SNTG1: variants seen among roughly 807,000 people sequenced by gnomAD.
SNTG1 encodes the protein gamma-1-syntrophin.
In SNTG1, 39 loss-of-function variants were observed where a neutral mutation model predicts 74.7. The observed-to-expected ratio is 0.52, with a 90% CI of 0.40 to 0.68. The LOEUF (loss-of-function observed/expected upper bound fraction) is 0.68. Ranked by LOEUF, SNTG1 falls within the 30% of genes least tolerant of loss-of-function variation. The pLI, the probability that SNTG1 is intolerant of heterozygous loss-of-function variation, is 0.00. For missense variants in SNTG1, 685 were observed against 609.5 expected (o/e 1.12, Z -1.30); for synonymous variants, 254 against 217.1 (o/e 1.17, Z -1.49).
At chr8:50,528,025 T>C (rs2094236265) in intron 9 of SNTG1, among the ~76,000 whole-genome samples, 1 of 152,024 alleles carries the variant, frequency 6.6e-6, no homozygotes, top group African/African-American at 2.4e-5. Context: ...CATAGCATAA[T>C]TCTAGAAAGA....
At chr8:50,202,705 G>T (rs1563732949) in intron 2 of SNTG1, among the ~76,000 whole-genome samples, 1 of 151,874 alleles carries the variant, frequency 6.6e-6, no homozygotes, top group African/African-American at 2.4e-5. Flanking sequence ...TTTGTAAGGA[G>T]AGTTAAAGTA....
At chr8:50,155,142 A>G (rs111500021) in intron 1 of SNTG1, among the ~76,000 whole-genome samples, 2,563 of 152,332 alleles carry the variant, frequency 0.017, 67 homozygotes, top group African/African-American at 0.052. Context: ...TGCTTGAAAC[A>G]AAGTTGTAGT....
intron 13 of SNTG1, among the ~76,000 whole-genome samples, chr8:50,646,967 T>A (rs1040244486): frequency 1.3e-5 from 2 of 152,168 alleles, no homozygotes; most frequent in Non-Finnish European, 2.9e-5. Context: ...AAAAAGGTGA[T>A]GTTTTCCACA....
chr8:50,264,574 TA>T lies in SNTG1; in HGVS notation c.-28+91950del, dbSNP rs202042526. ...AACAGAGCAAGCCTCCGTCTCAAAA[TA>T]AAAAAAAAAAGAAGAAAGAAACCAG... On this transcript the variant is annotated intron_variant, in intron 2 of 18. Coordinates refer to ENST00000642720, the MANE Select transcript of SNTG1 (RefSeq NM_018967.5). 5.5e-3 allele frequency among the ~76,000 whole-genome samples: 533 copies of T among 96,442 alleles called. 3 individuals are homozygous for T. Among genetic ancestry groups the T allele is most frequent in the African/African-American group, 0.016 (412 of 25,674 alleles). The allele number at this position is 96,442 out of a possible 152,430, so 63.3% of individuals were successfully genotyped here.
chr8:50,318,138 T>C (rs903882808), intron 2 of SNTG1, among the ~76,000 whole-genome samples: 3 of 152,088 alleles, frequency 2.0e-5, no homozygotes, highest in Non-Finnish European at 4.4e-5. Flanking sequence ...GCCCAGCCAC[T>C]TATTGTCTGA....
At chr8:50,143,321 C>T (rs1246445631) in intron 1 of SNTG1, among the ~76,000 whole-genome samples, 1 of 152,054 alleles carries the variant, frequency 6.6e-6, no homozygotes, top group Non-Finnish European at 1.5e-5. Context: ...ATATTTTGTA[C>T]TACTAAATTT....
chr8:50,707,564 C>T (rs1053814174), intron 16 of SNTG1, among the ~76,000 whole-genome samples: 1 of 151,906 alleles, frequency 6.6e-6, no homozygotes, highest in African/African-American at 2.4e-5. Flanking sequence ...GAAGGCAACT[C>T]GATGTATTTA....
At chr8:50,709,786 G>A (rs1374487887) in intron 17 of SNTG1, among the ~76,000 whole-genome samples, 1 of 152,110 alleles carries the variant, frequency 6.6e-6, no homozygotes, top group Non-Finnish European at 1.5e-5. Flanking sequence ...TCTCATTGAG[G>A]ATCTCAGTTC....
chr8:50,473,294 C>G (rs555173550), intron 8 of SNTG1, among the ~76,000 whole-genome samples: 3 of 152,278 alleles, frequency 2.0e-5, no homozygotes, highest in South Asian at 2.1e-4. Context: ...TTCCCCTTCA[C>G]CTTCTGCTAT....
chr8:50,329,302 A>G (rs1032770688), intron 2 of SNTG1, among the ~76,000 whole-genome samples: 2 of 152,138 alleles, frequency 1.3e-5, no homozygotes, highest in African/African-American at 4.8e-5. Flanking sequence ...ATTTCAGTGG[A>G]AACTATGTGT....
At chr8:50,412,544 G>A (rs1470202573) in intron 4 of SNTG1, among the ~76,000 whole-genome samples, 2 of 152,152 alleles carry the variant, frequency 1.3e-5, no homozygotes, top group Admixed American at 6.6e-5. Context: ...GCACATAGTA[G>A]GAGCTCAACA....
At chr8:50,752,210 C>T in intron 18 of SNTG1, 99 bp downstream of exon 18, 2 of 546,256 alleles carry the variant, frequency 3.7e-6, no homozygotes, top group Non-Finnish European at 6.2e-6. Context: ...ACCAAAAACA[C>T]ACATTCTCTG....
chr8:50,431,302 C>A (rs1227701968), intron 4 of SNTG1, among the ~76,000 whole-genome samples: 1 of 152,062 alleles, frequency 6.6e-6, no homozygotes, highest in East Asian at 1.9e-4. Context: ...AACAAATGTT[C>A]CCCTCTGATA....
chr8:50,225,843 T>A (rs1289488203), intron 2 of SNTG1, among the ~76,000 whole-genome samples: 1 of 152,192 alleles, frequency 6.6e-6, no homozygotes, highest in Non-Finnish European at 1.5e-5. Flanking sequence ...AAATATCCAT[T>A]TTGTTTACTT....
chr8:49,910,592 GGGT>G (rs1340841684), upstream of SNTG1, among the ~76,000 whole-genome samples: 1 of 152,124 alleles, frequency 6.6e-6, no homozygotes, highest in Non-Finnish European at 1.5e-5. Flanking sequence ...GCTGAGCCCT[GGGT>G]GACAGCACTC....
intron 2 of SNTG1, among the ~76,000 whole-genome samples, chr8:50,361,748 A>G (rs1245697509): frequency 6.6e-6 from 1 of 152,148 alleles, no homozygotes; most frequent in East Asian, 1.9e-4. Flanking sequence ...CCTAGGAGTT[A>G]TAAGCTATTA....
chr8:50,754,656 T>A (rs1019139395), intron 18 of SNTG1, among the ~76,000 whole-genome samples: 4 of 151,928 alleles, frequency 2.6e-5, no homozygotes, highest in African/African-American at 9.7e-5. Context: ...TGGTCTGTAA[T>A]CCATTCAATG....
intron 2 of SNTG1, among the ~76,000 whole-genome samples, chr8:50,355,068 G>A (rs561653140): frequency 1.3e-5 from 2 of 152,158 alleles, no homozygotes; most frequent in East Asian, 1.9e-4. Context: ...GCCTGAGTTC[G>A]GGGAGGTGTG....
chr8:49,998,992 G>A (rs1322546424), intron 1 of SNTG1, among the ~76,000 whole-genome samples: 2 of 152,080 alleles, frequency 1.3e-5, no homozygotes, highest in African/African-American at 4.8e-5. Context: ...ATTCACTTGT[G>A]TAATGCATTG....
Sources: allele counts gnomAD v4.1 joint callset (sites outside exome capture counted in the v4.1 genomes callset), GRCh38; gene constraint gnomAD v4.1.1; transcripts MANE v1.5; gene names NCBI Gene and HGNC (gene_info 2026-07-23, HGNC 2026-07-21).